Variants in DHTKD1 observed in about 807,000 individuals in gnomAD.
DHTKD1 encodes 2-oxoadipate dehydrogenase complex component E1.
DHTKD1 carries 78 observed loss-of-function variants against 101.8 expected under a neutral mutation model. The ratio of observed to expected loss-of-function variants is 0.77; its 90% CI spans 0.64 to 0.93. DHTKD1 has a LOEUF of 0.93. Ranked by LOEUF, DHTKD1 falls within the 40% of genes least tolerant of loss-of-function variation. The pLI, the probability that DHTKD1 is intolerant of heterozygous loss-of-function variation, is 0.00. For missense variants in DHTKD1, 1,223 were observed against 1,161.7 expected (o/e 1.05, Z -0.77); for synonymous variants, 462 against 450.3 (o/e 1.03, Z -0.33).
chr10:12,069,279 C>G, intron 1 of DHTKD1, 92 bp downstream of exon 1: 13 of 444,860 alleles, frequency 2.9e-5, no homozygotes, highest in Admixed American at 1.7e-4. Context: ...GTCGGGGAAC[C>G]GGCTGCCGGC....
chr10:12,100,275 T>TTTTTTTTTCTG lies in DHTKD1; in HGVS notation c.1756+21_1756+22insCTGTTTTTTTT, dbSNP rs765742903. 7 of 1,191,254 alleles carry TTTTTTTTTCTG rather than the reference T, an allele frequency of 5.9e-6. No homozygotes were observed. The highest frequency in any genetic ancestry group is 5.8e-6 in the Non-Finnish European group (5 of 862,916). 73.8% of individuals were successfully genotyped at this position (1,191,254 alleles called of 1,614,324 possible). ...TTACTTGCTCAAGGTAAGAATTTTCTTTTTTTTTTCTGTTTTTTTTTTTTT... is the reference window on the plus strand; with the variant it reads ...TTACTTGCTCAAGGTAAGAATTTTCTTTTTTTTTCTGTTTTTTTTTCTGTTTTTTTTTTTTT... On this transcript the variant is annotated intron_variant, in intron 9 of 16. Transcript: ENST00000263035.
In DHTKD1 at chr10:12,107,893, C is replaced by G; in HGVS notation, c.2048-16C>G. 6.4e-7 allele frequency: 1 copy of G among 1,553,896 alleles called. No individual in the cohort carries two copies. The highest frequency in any genetic ancestry group is 8.9e-7 in the Non-Finnish European group (1 of 1,125,458). On this transcript the variant is annotated splice_polypyrimidine_tract_variant and intron_variant, in intron 11 of 16. Coordinates refer to ENST00000263035, the MANE Select transcript of DHTKD1 (RefSeq NM_018706.7). This position sits in a 1 kb window ranked among gnomAD's most constrained non-coding sequence, Gnocchi z 4.1. ...CGCTTCGTAGAGCTCTTACTCCCCA[C>G]GTGGTACTTTTCCAGGAGAGGCCAA... is the stretch of plus-strand genomic sequence containing the variant.
intron 3 of DHTKD1, among the ~76,000 whole-genome samples, chr10:12,086,044 A>G (rs1282606213): frequency 2.6e-5 from 4 of 151,214 alleles, no homozygotes; most frequent in African/African-American, 4.9e-5. Context: ...TAATTTTTGT[A>G]TTTTTAGTAG....
chr10:12,117,826 A>G (rs540952755), intron 14 of DHTKD1, 71 bp downstream of exon 14: 3 of 694,786 alleles, frequency 4.3e-6, no homozygotes, highest in East Asian at 6.1e-5. Flanking sequence ...GTTCACATTA[A>G]GAGATCACAG....
intron 10 of DHTKD1, among the ~76,000 whole-genome samples, chr10:12,104,712 C>G (rs1023779834): frequency 6.6e-6 from 1 of 151,972 alleles, no homozygotes; most frequent in Non-Finnish European, 1.5e-5. Flanking sequence ...TCCTAGCTCC[C>G]TTTTTCCATC....
intron 12 of DHTKD1, 70 bp from the exon 13 acceptor site, chr10:12,112,830 A>G (rs1432295677): frequency 1.4e-6 from 2 of 1,454,192 alleles, no homozygotes; most frequent in Non-Finnish European, 1.8e-6. Context: ...CCCTTTGGCC[A>G]GCCCATTGTC....
At position 12,091,628 on chromosome 10, in the gene DHTKD1, T is replaced by C; in HGVS notation, c.1103T>C (p.Leu368Pro). The C allele has an allele frequency of 2.5e-6, 4 of 1,613,972 alleles. No individual in the cohort carries two copies. Among genetic ancestry groups the C allele is most frequent in the Non-Finnish European group, 2.5e-6 (3 of 1,179,992 alleles). ...GTGCATTTGATTGTTAATAACCAGC[T>C]GGGTTACACCACTCCAGCTGAAAGA... ...GSVHLIVNNQ[L>P]GYTTPAERGR... Residue 368 changes from leucine (L) to proline (P), a missense_variant, in exon 6 of 17, where the codon CTG becomes CCG. By Grantham distance (98) the Leu-to-Pro change is moderately conservative. Coordinates refer to ENST00000263035, the MANE Select transcript of DHTKD1 (RefSeq NM_018706.7).
chr10:12,112,937 C>G lies in DHTKD1; in HGVS notation c.2192C>G (p.Thr731Ser), dbSNP rs906791045. 3 of 1,612,662 alleles carry G rather than the reference C, an allele frequency of 1.9e-6. No individual in the cohort carries two copies. The highest frequency in any genetic ancestry group is 2.5e-6 in the Non-Finnish European group (3 of 1,179,494). Residue 731 changes from threonine (T) to serine (S), a missense_variant, in exon 13 of 17, where the codon ACT (threonine) becomes AGT (serine). Transcript: ENST00000263035. ...DSAEEGVDGD[T>S]VNMFVVHPTT... ...GCGGAAGAGGGGGTGGACGGAGACA[C>G]TGTGAACATGTTTGTGGTTCACCCA... is the stretch of plus-strand genomic sequence containing the variant.
chr10:12,084,827 G>A (rs1832874816), intron 3 of DHTKD1, 76 bp downstream of exon 3: 2 of 1,313,978 alleles, frequency 1.5e-6, no homozygotes, highest in African/African-American at 1.5e-5. Context: ...GAGGCGGGCG[G>A]ATCACCTGAG....
intron 10 of DHTKD1, among the ~76,000 whole-genome samples, chr10:12,105,411 G>T (rs1055479842): frequency 2.0e-5 from 3 of 151,940 alleles, no homozygotes; most frequent in Non-Finnish European, 4.4e-5. Context: ...AACCTCCTGG[G>T]CTCAAGTGAT....
intron 6 of DHTKD1, 68 bp from the exon 7 acceptor site, chr10:12,094,005 G>A: frequency 7.5e-7 from 1 of 1,336,206 alleles, no homozygotes. Context: ...GCAGGAAGTA[G>A]GGCTTAGAGA....
chr10:12,069,185 C>T lies in DHTKD1; in HGVS notation c.152C>T (p.Pro51Leu). Residue 51 changes from proline (P) to leucine (L), a missense_variant and splice_region_variant, in exon 1 of 17, where the codon CCA (proline) becomes CTA (leucine). By Grantham distance (98) the Pro-to-Leu change is moderately conservative (BLOSUM62 -3). Transcript: ENST00000263035. Reference sequence around the variant, plus strand: ...CCCCAGGGCGCCCTGGAGCGCCCCCCAGGTCGGGGATGGGGCCCGGGCGGT... The same window carrying T: ...CCCCAGGGCGCCCTGGAGCGCCCCCTAGGTCGGGGATGGGGCCCGGGCGGT... ...REPQGALERP[P>L]VDHGLARLVT... 1 of 1,547,362 alleles carries T rather than the reference C, an allele frequency of 6.5e-7. No homozygotes were observed. The highest frequency in any genetic ancestry group is 1.2e-5 in the South Asian group (1 of 84,306).
intron 4 of DHTKD1, among the ~76,000 whole-genome samples, chr10:12,088,074 C>T (rs200664244): frequency 6.6e-6 from 1 of 152,136 alleles, no homozygotes; most frequent in East Asian, 1.9e-4. Flanking sequence ...GATCTCACCA[C>T]TGCACTCCAG....
chr10:12,097,865 C>G lies in DHTKD1; in HGVS notation c.1540C>G (p.Gln514Glu). The change falls in exon 8 of 17, where the codon CAG becomes GAG. Residue 514 changes from glutamine to glutamate, a missense_variant. Coordinates refer to ENST00000263035, the MANE Select transcript of DHTKD1 (RefSeq NM_018706.7). Reference protein sequence around the residue: ...NLQAHWQGLAQPEAQITTWST... With the variant: ...NLQAHWQGLAEPEAQITTWST... ...GCAGGCCCACTGGCAGGGCCTGGCT[C>G]AGCCAGAAGCGCAAATCACCACCTG... is the stretch of plus-strand genomic sequence containing the variant. 6.2e-7 allele frequency: 1 copy of G among 1,614,218 alleles called. No homozygotes were observed. The highest frequency in any genetic ancestry group is 1.1e-5 in the South Asian group (1 of 91,090).
intron 6 of DHTKD1, among the ~76,000 whole-genome samples, chr10:12,092,178 T>A (rs982437695): frequency 6.6e-6 from 1 of 151,916 alleles, no homozygotes; most frequent in African/African-American, 2.4e-5. Context: ...GAGACGGGGT[T>A]TCACCATGTT....
intron 1 of DHTKD1, among the ~76,000 whole-genome samples, chr10:12,069,518 CTTTTTTTTTTTTT>C (rs10691718): frequency 1.2e-5 from 1 of 81,552 alleles, no homozygotes; most frequent in Non-Finnish European, 2.2e-5. Context: ...TTTTTGTTTC[CTTTTTTTTTTTTT>C]TTTTTTTTTG....
rs1833319821 is a variant in DHTKD1, at chr10:12,110,915, G to A, written c.2155-1985G>A. 6.6e-6 allele frequency among the ~76,000 whole-genome samples: 1 copy of A among 151,784 alleles called. No homozygotes were observed. The highest frequency in any genetic ancestry group is 6.6e-5 in the Admixed American group (1 of 15,194). ...AAAAATTAGCTGGGTGGGTGGTGGT[G>A]CGTGCCCATAATCCTCACTACTTGG... On this transcript the variant is annotated intron_variant, in intron 12 of 16. Coordinates refer to ENST00000263035, the MANE Select transcript of DHTKD1 (RefSeq NM_018706.7). This position sits in a 1 kb window ranked among gnomAD's most constrained non-coding sequence, Gnocchi z 4.9.
intron 6 of DHTKD1, among the ~76,000 whole-genome samples, chr10:12,092,497 A>G (rs183271405): frequency 6.6e-6 from 1 of 152,124 alleles, no homozygotes; most frequent in Admixed American, 6.6e-5. Flanking sequence ...TTGGTGAAAT[A>G]GTATAGTTAG....
At chr10:12,073,230 A>T (rs1832676939) in intron 1 of DHTKD1, among the ~76,000 whole-genome samples, 1 of 150,518 alleles carries the variant, frequency 6.6e-6, no homozygotes, top group Non-Finnish European at 1.5e-5. Context: ...ACGTGGTTTC[A>T]CCATATTGGC....
Sources: gnomAD v4.1 joint callset for allele counts (sites outside exome capture counted in the v4.1 genomes callset) on GRCh38, gnomAD v4.1.1 for gene constraint, Gnocchi (gnomAD v3.1) non-coding constraint, MANE v1.5 for transcripts, NCBI Gene and HGNC (gene_info 2026-07-23, HGNC 2026-07-21) for gene names.